The following DLG5 variants were observed in gnomAD, a reference collection of about 807,000 sequenced individuals.
DLG5 encodes discs large MAGUK scaffold protein 5.
A neutral mutation model predicts 189.8 loss-of-function variants in DLG5; 48 were observed. The ratio of observed to expected loss-of-function variants is 0.25; its 90% CI spans 0.20 to 0.32. The LOEUF is 0.32. Ranked by LOEUF, DLG5 falls within the 10% of genes least tolerant of loss-of-function variation. The probability of loss-of-function intolerance (pLI) is 1.00; values close to 1 mark genes in which losing one functional copy is unlikely to be tolerated. For missense variants in DLG5, 2,160 were observed against 2,544.7 expected (o/e 0.85, Z 3.25); for synonymous variants, 1,016 against 1,054.1 (o/e 0.96, Z 0.70).
chr10:77,884,454 T>A (rs1005986907), intron 1 of DLG5, among the ~76,000 whole-genome samples: 3 of 152,098 alleles, frequency 2.0e-5, no homozygotes, highest in African/African-American at 7.2e-5. Context: ...ATCAGCAACG[T>A]CTGCCTTGGG....
At chr10:77,818,053 C>T (rs554215935) in intron 17 of DLG5, among the ~76,000 whole-genome samples, 164 bp from the exon 18 acceptor site, 32 of 152,260 alleles carry the variant, frequency 2.1e-4, no homozygotes, top group Non-Finnish European at 3.7e-4. Context: ...CAGCCACTCC[C>T]GGAGGTGGCA....
chr10:77,884,824 G>A (rs1282418340), intron 1 of DLG5, among the ~76,000 whole-genome samples: 2 of 152,026 alleles, frequency 1.3e-5, no homozygotes, highest in East Asian at 1.9e-4. Flanking sequence ...CTTCCTCTCC[G>A]ATAAAGTAAC....
intron 13 of DLG5, among the ~76,000 whole-genome samples, chr10:77,825,372 A>AC (rs71477100): frequency 2.6e-5 from 3 of 117,038 alleles, no homozygotes; most frequent in Admixed American, 8.9e-5. Context: ...AACCACACAC[A>AC]ACCACACACA....
chr10:77,858,159 T>C (rs1031739010), intron 2 of DLG5, among the ~76,000 whole-genome samples: 1 of 152,084 alleles, frequency 6.6e-6, no homozygotes, highest in Non-Finnish European at 1.5e-5. Context: ...TTTCAGGTTG[T>C]GGAACCCCAA....
Position 77,817,794 on chromosome 10 carries a change from G to A in DLG5, c.3767C>T (p.Pro1256Leu). 1 of 1,554,536 alleles carries A rather than the reference G, an allele frequency of 6.4e-7. No homozygotes were observed. The highest frequency in any genetic ancestry group is 8.7e-7 in the Non-Finnish European group (1 of 1,148,426). ...MRATHGSNSL[P>L]SSARLGSSSN... ...GCAGTTACCCAGGCGGGCGCTGGAG[G>A]GCAGTGAGTTGGACCCATGGGTGGC... Residue 1256 changes from proline to leucine, a missense_variant, in exon 18 of 32, where the codon CCC (proline) becomes CTC (leucine). This residue lies in a region of DLG5 where 754 missense variants were observed against 746.5 expected (regional missense o/e 1.01). Transcript: ENST00000372391.
At chr10:77,800,270 G>A (rs1489453099) in intron 27 of DLG5, among the ~76,000 whole-genome samples, 1 of 152,202 alleles carries the variant, frequency 6.6e-6, no homozygotes, top group East Asian at 1.9e-4. Context: ...TAGAAAATCT[G>A]GGTAAAAAAT....
At chr10:77,845,184 G>C (rs562843740) in intron 5 of DLG5, 6 of 152,220 alleles carry the variant, frequency 3.9e-5, no homozygotes, top group Non-Finnish European at 7.3e-5. Context: ...GAGGTTGCCA[G>C]GGGGGCTGCT....
At chr10:77,862,554 T>C (rs1382988421) in intron 2 of DLG5, among the ~76,000 whole-genome samples, 1 of 152,254 alleles carries the variant, frequency 6.6e-6, no homozygotes, top group Non-Finnish European at 1.5e-5. Context: ...TGACAGTTTC[T>C]TATAAAGCTA....
intron 7 of DLG5, among the ~76,000 whole-genome samples, chr10:77,836,484 C>T (rs1843142452): frequency 6.6e-6 from 1 of 152,072 alleles, no homozygotes; most frequent in Admixed American, 6.6e-5. Flanking sequence ...GGTGTCCCCG[C>T]CCCGAGACTC....
rs190737554 is a variant in DLG5, at chr10:77,895,331, T to G, written c.305-26134A>C. Among the ~76,000 whole-genome samples, 12 of 152,298 alleles carry G rather than the reference T, an allele frequency of 7.9e-5. No homozygotes were observed. The East Asian group carries it at 1.5e-3, about 20-fold the overall frequency. ...GGTCTGCAGTGACCCTAGCTGATGT[T>G]CTGAAGGTGTTCAGAGCTAAGGAGG... On this transcript the variant is annotated intron_variant, in intron 1 of 31. Transcript: ENST00000372391.
chr10:77,937,257 C>T, the DLG5 span, among the ~76,000 whole-genome samples: 1 of 152,194 alleles, frequency 6.6e-6, no homozygotes, highest in African/African-American at 2.4e-5. Context: ...ACTTCTGCCT[C>T]CTCTTTGCCT....
intron 1 of DLG5, among the ~76,000 whole-genome samples, chr10:77,881,319 C>A (rs955476775): frequency 6.6e-6 from 1 of 152,128 alleles, no homozygotes; most frequent in Non-Finnish European, 1.5e-5. Flanking sequence ...ACTCAGGGAA[C>A]AGGAGATACC....
At chr10:77,938,915 G>A in the DLG5 span, among the ~76,000 whole-genome samples, 1 of 152,218 alleles carries the variant, frequency 6.6e-6, no homozygotes, top group Admixed American at 6.5e-5. Context: ...CAGGCCCGGT[G>A]CAGTGGCTCA....
chr10:77,798,540 GTTC>G (rs938730288), intron 27 of DLG5, among the ~76,000 whole-genome samples: 7 of 152,136 alleles, frequency 4.6e-5, no homozygotes, highest in Non-Finnish European at 1.0e-4. Flanking sequence ...GTGTATCCTA[GTTC>G]TTCTTATAAA....
intron 1 of DLG5, among the ~76,000 whole-genome samples, chr10:77,892,462 A>G (rs767760334): frequency 2.0e-5 from 3 of 152,236 alleles, no homozygotes; most frequent in African/African-American, 7.2e-5. Flanking sequence ...TACTTGTAAG[A>G]CAGCACAGTT....
intron 7 of DLG5, among the ~76,000 whole-genome samples, chr10:77,838,900 C>T (rs1843280782): frequency 6.6e-6 from 1 of 152,244 alleles, no homozygotes; most frequent in Non-Finnish European, 1.5e-5. Context: ...AGGATTTCAG[C>T]TCTCAGAGCT....
At chr10:77,892,247 C>T (rs1845632484) in intron 1 of DLG5, among the ~76,000 whole-genome samples, 1 of 152,198 alleles carries the variant, frequency 6.6e-6, no homozygotes, top group East Asian at 1.9e-4. Context: ...CATAAGCAGC[C>T]TTTTGGCACA....
Position 77,819,447 on chromosome 10 carries a change from A to G in DLG5, c.3545T>C (p.Leu1182Ser). 6.2e-7 allele frequency: 1 copy of G among 1,613,582 alleles called. No individual in the cohort carries two copies. Among genetic ancestry groups the G allele is most frequent in the Non-Finnish European group, 8.5e-7 (1 of 1,179,978 alleles). ...GGAGCTCACAGTGGTGCTGGGGGTC[A>G]AACTCCGGGGAACAGTGCCTAGAAA... is the stretch of plus-strand genomic sequence containing the variant. The part of the protein sequence containing the change: ...RPSVGTVPRS[L>S]TPSTTVSSIL... The change falls in exon 17 of 32, where the codon TTG becomes TCG. Residue 1182 changes from leucine to serine, a missense_variant. This residue lies in a region of DLG5 where 754 missense variants were observed against 746.5 expected (regional missense o/e 1.01). Transcript: ENST00000372391.
intron 1 of DLG5, among the ~76,000 whole-genome samples, chr10:77,904,156 C>A (rs562730866): frequency 2.9e-4 from 44 of 152,286 alleles, no homozygotes; most frequent in Middle Eastern, 3.4e-3. Context: ...ATGGCCACTG[C>A]ACTTCAGCCT....
Sources: gnomAD v4.1 joint callset for allele counts (sites outside exome capture counted in the v4.1 genomes callset) on GRCh38, gnomAD v4.1.1 for gene constraint, gnomAD v4.1.1 regional missense constraint, MANE v1.5 for transcripts, NCBI Gene and HGNC (gene_info 2026-07-23, HGNC 2026-07-21) for gene names.